The following PKP1 variants were observed in gnomAD, a reference collection of about 807,000 sequenced individuals.
The protein encoded by PKP1 is plakophilin-1.
In PKP1, 27 loss-of-function variants were observed where a neutral mutation model predicts 76.4. That is an observed-to-expected ratio of 0.35 (90% confidence interval 0.26 to 0.49). The LOEUF (loss-of-function observed/expected upper bound fraction) is 0.49, where lower values mean the gene tolerates loss of function less well. PKP1 is among the 20% of genes least tolerant of loss of function. The pLI, the probability that PKP1 is intolerant of heterozygous loss-of-function variation, is 0.99. For synonymous variants in PKP1, 404 were observed against 384.2 expected, an observed-to-expected ratio of 1.05 and a Z score of -0.60; for missense variants, 964 against 955.2, an observed-to-expected ratio of 1.01 and a Z score of -0.12.
intron 2 of PKP1, among the ~76,000 whole-genome samples, chr1:201,301,731 CTTT>C: frequency 6.9e-6 from 1 of 144,478 alleles, no homozygotes; most frequent in African/African-American, 2.5e-5. Context: ...TCATTTTGGG[CTTT>C]TTTTTTTTTC....
intron 10 of PKP1, 149 bp from the exon 11 acceptor site, chr1:201,324,792 C>T: frequency 2.0e-6 from 2 of 995,216 alleles, no homozygotes; most frequent in East Asian, 2.4e-5. Flanking sequence ...GGTCTCTGAG[C>T]CCTGAGTTGG....
chr1:201,330,133 C>T lies in PKP1; in HGVS notation c.*92C>T, dbSNP rs1657269795. On this transcript the variant is annotated 3_prime_UTR_variant, in exon 14 of 14. Coordinates refer to ENST00000367324, the MANE Select transcript of PKP1 (RefSeq NM_001005337.3). ...CGCTGGATGGGGTTTTCTGTCCATC[C>T]TATGCAGTATTTGGGAAAGTTCACA... 1 of 152,098 alleles carries T rather than the reference C, an allele frequency of 6.6e-6. No homozygotes were observed. Among genetic ancestry groups the T allele is most frequent in the South Asian group, 2.1e-4 (1 of 4,832 alleles). 9.4% of individuals were successfully genotyped at this position (152,098 alleles called of 1,614,324 possible).
chr1:201,308,754 G>A (rs1412418841), intron 2 of PKP1, among the ~76,000 whole-genome samples: 1 of 152,100 alleles, frequency 6.6e-6, no homozygotes, highest in Non-Finnish European at 1.5e-5. Flanking sequence ...TGGGGAGTTT[G>A]TCTTGTAAGG....
rs1057162135 is a variant in PKP1, at chr1:201,313,406, C to T, written c.547C>T (p.Arg183Cys). Residue 183 changes from arginine to cysteine, a missense_variant, in exon 3 of 14, where the codon CGC becomes TGC. Arg to Cys is a radical substitution (Grantham distance 180, BLOSUM62 -3). Transcript: ENST00000367324. Reference protein sequence around the residue: ...GSKGQKTTQNRYSFYSTCSGQ... With the variant: ...GSKGQKTTQNCYSFYSTCSGQ... ...CAAGGGCCAGAAGACCACCCAGAACCGCTACAGCTTTTACAGCACCTGCAG... is the reference window on the plus strand; with the variant it reads ...CAAGGGCCAGAAGACCACCCAGAACTGCTACAGCTTTTACAGCACCTGCAG... The T allele has an allele frequency of 1.2e-5, 19 of 1,587,656 alleles. No individual in the cohort carries two copies. Among genetic ancestry groups the T allele is most frequent in the African/African-American group, 2.7e-5 (2 of 74,628 alleles).
chr1:201,296,988 G>A (rs910161022), intron 2 of PKP1, among the ~76,000 whole-genome samples: 2 of 152,124 alleles, frequency 1.3e-5, no homozygotes, highest in Non-Finnish European at 2.9e-5. Context: ...TAAAGGATCT[G>A]TAGGCAATTC....
chr1:201,299,735 G>A (rs1357199524), intron 2 of PKP1, among the ~76,000 whole-genome samples: 1 of 152,230 alleles, frequency 6.6e-6, no homozygotes, highest in African/African-American at 2.4e-5. Context: ...AGGATGAAAA[G>A]ATGGTAGGAC....
chr1:201,306,147 A>C (rs1359350574), intron 2 of PKP1, among the ~76,000 whole-genome samples: 1 of 152,248 alleles, frequency 6.6e-6, no homozygotes, highest in African/African-American at 2.4e-5. Flanking sequence ...CAGTGTTCAG[A>C]GCTGAGAAAA....
Position 201,318,735 on chromosome 1 carries a change from G to A in PKP1, c.1172G>A (p.Ser391Asn). 1.2e-6 allele frequency: 2 copies of A among 1,611,930 alleles called. No individual in the cohort carries two copies. Among genetic ancestry groups the A allele is most frequent in the Admixed American group, 1.7e-5 (1 of 59,986 alleles). ...IPFSGWCDGN[S>N]NMSREVVDPE... is the part of the protein sequence containing the mutation. ...TTCTCTGGCTGGTGCGATGGCAATA[G>A]CAACATGTCCCGGGAAGTGGTGGAC... The change falls in exon 6 of 14, where the codon AGC becomes AAC. Residue 391 changes from serine (S) to asparagine (N), a missense_variant. By Grantham distance (46) the Ser-to-Asn change is conservative. Transcript: ENST00000367324.
chr1:201,283,653 C>T lies in PKP1; in HGVS notation c.-50C>T. ...GCCCGCTGCACCGCACCTCGCCTCG[C>T]CTCTCTGCTCTCCTAGGCCCCGGCC... On this transcript the variant is annotated 5_prime_UTR_variant, in exon 1 of 14. Coordinates refer to ENST00000367324, the MANE Select transcript of PKP1 (RefSeq NM_001005337.3). 1 of 1,520,212 alleles carries T rather than the reference C, an allele frequency of 6.6e-7. No individual in the cohort carries two copies. The highest frequency in any genetic ancestry group is 9.1e-7 in the Non-Finnish European group (1 of 1,104,270). 94.2% of individuals were successfully genotyped at this position (1,520,212 alleles called of 1,614,324 possible). A position where few individuals can be genotyped will look rare whatever the true frequency, so the allele number is the denominator to read the frequency against.
intron 1 of PKP1, among the ~76,000 whole-genome samples, chr1:201,287,027 G>T (rs549543843): frequency 6.6e-6 from 1 of 152,172 alleles, no homozygotes; most frequent in South Asian, 2.1e-4. Flanking sequence ...CCTTTCACCT[G>T]TCCTGTCTCC....
chr1:201,319,857 A>C (rs746280950), intron 6 of PKP1: 2 of 1,614,104 alleles, frequency 1.2e-6, no homozygotes, highest in African/African-American at 2.7e-5. Context: ...CTTGTTCCGC[A>C]AAGGGCCACT....
At chr1:201,318,105 G>T (rs1656819130) in intron 5 of PKP1, among the ~76,000 whole-genome samples, 1 of 152,186 alleles carries the variant, frequency 6.6e-6, no homozygotes, top group African/African-American at 2.4e-5. Flanking sequence ...GAGTAAGACT[G>T]AGGGGAGAAG....
At chr1:201,307,546 G>A (rs1656408289) in intron 2 of PKP1, among the ~76,000 whole-genome samples, 1 of 152,164 alleles carries the variant, frequency 6.6e-6, no homozygotes, top group African/African-American at 2.4e-5. Context: ...CTTGCTCGGG[G>A]AGCACCTGTG....
At chr1:201,302,926 G>C (rs1344868696) in intron 2 of PKP1, among the ~76,000 whole-genome samples, 1 of 152,236 alleles carries the variant, frequency 6.6e-6, no homozygotes, top group Admixed American at 6.5e-5. Context: ...GGAAACTGAG[G>C]TTCAGAGAGG....
chr1:201,319,721 C>G, intron 6 of PKP1: 1 of 1,264,138 alleles, frequency 7.9e-7, no homozygotes, highest in South Asian at 1.2e-5. Flanking sequence ...GGGCAGAACA[C>G]AGCTTGGGTG....
At chr1:201,303,606 T>G (rs1000310640) in intron 2 of PKP1, among the ~76,000 whole-genome samples, 1 of 152,210 alleles carries the variant, frequency 6.6e-6, no homozygotes, top group Non-Finnish European at 1.5e-5. Context: ...AGTTTTATTT[T>G]TTTGTTTGTT....
At chr1:201,288,445 T>A (rs527916976) in intron 1 of PKP1, among the ~76,000 whole-genome samples, 4 of 152,154 alleles carry the variant, frequency 2.6e-5, no homozygotes, top group Admixed American at 2.6e-4. Flanking sequence ...AATGCGTGAG[T>A]CCCACCCCCA....
intron 2 of PKP1, among the ~76,000 whole-genome samples, chr1:201,299,925 T>C (rs1656175925): frequency 6.6e-6 from 1 of 152,234 alleles, no homozygotes; most frequent in African/African-American, 2.4e-5. Context: ...GGGCCTCTCG[T>C]CTTTTCTTGA....
intron 2 of PKP1, among the ~76,000 whole-genome samples, chr1:201,306,399 G>C (rs538485660): frequency 5.9e-5 from 9 of 152,242 alleles, no homozygotes; most frequent in Non-Finnish European, 1.3e-4. Context: ...GGCAGGCTTA[G>C]AGCCTGGAGC....
Sources: allele counts gnomAD v4.1 joint callset (sites outside exome capture counted in the v4.1 genomes callset), GRCh38; gene constraint gnomAD v4.1.1; transcripts MANE v1.5; gene names NCBI Gene and HGNC (gene_info 2026-07-23, HGNC 2026-07-21).